Variants in TSGA10 observed in about 807,000 individuals in gnomAD.
The protein encoded by TSGA10 is testis specific 10.
TSGA10 carries 43 observed loss-of-function variants against 96.6 expected under a neutral mutation model. The observed-to-expected ratio is 0.44, with a 90% CI of 0.35 to 0.57. The LOEUF (loss-of-function observed/expected upper bound fraction) is 0.57, where lower values mean the gene tolerates loss of function less well. Among genes scored for constraint, TSGA10 ranks in the 20% least tolerant of loss-of-function variants. TSGA10 has a pLI of 0.01. For synonymous variants in TSGA10, 229 were observed against 269.9 expected, an observed-to-expected ratio of 0.85 and a Z score of 1.48; for missense variants, 703 against 834.4, an observed-to-expected ratio of 0.84 and a Z score of 1.94.
At chr2:99,121,139 G>C (rs576089787) in intron 2 of TSGA10, among the ~76,000 whole-genome samples, 6 of 152,276 alleles carry the variant, frequency 3.9e-5, no homozygotes, top group Admixed American at 3.3e-4. Context: ...TAGGATATAA[G>C]TTTTGAGTAG....
chr2:99,085,621 A>AAAAAAAAAAAAAAAAAAAAAAAAC (rs2088208347), intron 10 of TSGA10, among the ~76,000 whole-genome samples: 1 of 150,184 alleles, frequency 6.7e-6, no homozygotes, highest in African/African-American at 2.5e-5. Context: ...AAAAAAAAAA[A>AAAAAAAAAAAAAAAAAAAAAAAAC]AAAAAAAAAA....
chr2:99,011,428 G>A (rs369082405), intron 20 of TSGA10, among the ~76,000 whole-genome samples: 8 of 152,128 alleles, frequency 5.3e-5, no homozygotes, highest in South Asian at 4.1e-4. Context: ...CACCATGCCC[G>A]GCCAAAGACA....
rs200987366 is a variant in TSGA10, at chr2:99,105,640, T to C, written c.268A>G (p.Lys90Glu). 32 of 1,605,562 alleles carry C rather than the reference T, an allele frequency of 2.0e-5. No homozygotes were observed. The African/African-American group carries it at 4.0e-4, about 20-fold the overall frequency. Residue 90 changes from lysine (K) to glutamate (E), a missense_variant, in exon 8 of 21, where the codon AAA becomes GAA. By Grantham distance (56) the Lys-to-Glu change is moderately conservative. Coordinates refer to ENST00000393483, the MANE Select transcript of TSGA10 (RefSeq NM_025244.4). ...AGAATAGCATGTGCCGTTGTTGATT[T>C]AGGACTCTTACAGCTTTTCATCATT... is the stretch of plus-strand genomic sequence containing the variant. ...REMMKSCKSP[K>E]STTAHAILRR... is the part of the protein sequence containing the mutation.
At chr2:99,064,511 T>C (rs926571142) in intron 16 of TSGA10, among the ~76,000 whole-genome samples, 2 of 152,142 alleles carry the variant, frequency 1.3e-5, no homozygotes, top group African/African-American at 4.8e-5. Context: ...GCAAAGGAGT[T>C]AGACACACTG....
intron 20 of TSGA10, among the ~76,000 whole-genome samples, chr2:99,008,056 C>T (rs1321233095): frequency 6.6e-6 from 1 of 152,128 alleles, no homozygotes; most frequent in Non-Finnish European, 1.5e-5. Flanking sequence ...ATAAAATAAA[C>T]TCCAAATGAA....
intron 10 of TSGA10, among the ~76,000 whole-genome samples, chr2:99,103,224 C>T (rs6712704): frequency 0.59 from 89,867 of 151,940 alleles, 27,510 homozygotes; most frequent in East Asian, 0.88. Context: ...GTGTGTTACA[C>T]AGGTAAACAT....
intron 10 of TSGA10, among the ~76,000 whole-genome samples, chr2:99,082,657 C>T (rs1048314798): frequency 6.6e-6 from 1 of 152,108 alleles, no homozygotes; most frequent in African/African-American, 2.4e-5. Flanking sequence ...GAACTAACCC[C>T]AGACAAAGGC....
At chr2:99,022,281 C>T (rs1450607145) in intron 17 of TSGA10, among the ~76,000 whole-genome samples, 1 of 136,030 alleles carries the variant, frequency 7.4e-6, no homozygotes, top group Non-Finnish European at 1.5e-5. Flanking sequence ...GCCAAGATGG[C>T]ACCACTGCAC....
Position 99,017,390 on chromosome 2 carries a change from G to A in TSGA10, c.2072+810C>T, listed in dbSNP as rs183657864. Reference sequence around the variant, plus strand: ...GGAGTTGGAGACCATTATTCTAAGGGAAGTAACTCAGGAATGGAAAACCAA... The same window carrying A: ...GGAGTTGGAGACCATTATTCTAAGGAAAGTAACTCAGGAATGGAAAACCAA... On this transcript the variant is annotated intron_variant, in intron 20 of 20. Coordinates refer to ENST00000393483, the MANE Select transcript of TSGA10 (RefSeq NM_025244.4). Among the ~76,000 whole-genome samples the A allele has an allele frequency of 3.9e-5, 6 of 152,316 alleles. No homozygotes were observed. The South Asian group carries it at 8.3e-4, about 21-fold the overall frequency.
At chr2:99,046,604 C>T (rs2082800068) in intron 16 of TSGA10, among the ~76,000 whole-genome samples, 1 of 152,026 alleles carries the variant, frequency 6.6e-6, no homozygotes, top group African/African-American at 2.4e-5. Context: ...GCATTAAATG[C>T]CCACAAGAGA....
At chr2:99,065,980 G>C (rs866831342) in intron 15 of TSGA10, among the ~76,000 whole-genome samples, 1 of 152,200 alleles carries the variant, frequency 6.6e-6, no homozygotes, top group African/African-American at 2.4e-5. Flanking sequence ...ATTATGGTTT[G>C]GTGAATTCAT....
intron 1 of TSGA10, among the ~76,000 whole-genome samples, chr2:99,129,326 GCA>G (rs1238252789): frequency 4.6e-5 from 7 of 152,122 alleles, no homozygotes; most frequent in African/African-American, 1.7e-4. Context: ...CCATTAACCT[GCA>G]CAGTTATTTA....
At chr2:99,081,899 GC>G (rs2087566486) in intron 10 of TSGA10, among the ~76,000 whole-genome samples, 1 of 152,220 alleles carries the variant, frequency 6.6e-6, no homozygotes, top group African/African-American at 2.4e-5. Flanking sequence ...CAACTGTAAT[GC>G]CTAACCTTGT....
chr2:99,126,922 A>G, intron 2 of TSGA10, 126 bp downstream of exon 2: 1 of 855,372 alleles, frequency 1.2e-6, no homozygotes, highest in South Asian at 1.9e-5. Flanking sequence ...TAAAAATTGA[A>G]TGATTTTAGA....
At chr2:99,139,952 G>C (rs1193091077) in intron 1 of TSGA10, among the ~76,000 whole-genome samples, 2 of 152,142 alleles carry the variant, frequency 1.3e-5, no homozygotes, top group Admixed American at 6.6e-5. Context: ...TCTGTGTATG[G>C]AGGACTTCAA....
intron 16 of TSGA10, among the ~76,000 whole-genome samples, chr2:99,045,650 T>C (rs1381023784): frequency 6.6e-6 from 1 of 152,182 alleles, no homozygotes; most frequent in South Asian, 2.1e-4. Flanking sequence ...TAAAGACCAT[T>C]GATGCTAGGA....
At chr2:99,085,635 G>A (rs1243357043) in intron 10 of TSGA10, among the ~76,000 whole-genome samples, 313 of 78,942 alleles carry the variant, frequency 4.0e-3, no homozygotes, top group African/African-American at 7.8e-3. Context: ...AAAAAAAAAA[G>A]TTGTTTTTTT....
At position 99,136,569 on chromosome 2, in the gene TSGA10, G is replaced by A. The variant is rs559901866; in HGVS notation, c.-620-9393C>T. ...TCCCAGCACTTTGGGAGGCCGAGGCGGGCGGATCACGAGGTCAGGAGATCG... is the reference window on the plus strand; with the variant it reads ...TCCCAGCACTTTGGGAGGCCGAGGCAGGCGGATCACGAGGTCAGGAGATCG... On this transcript the variant is annotated intron_variant, in intron 1 of 20. Coordinates refer to ENST00000393483, the MANE Select transcript of TSGA10 (RefSeq NM_025244.4). 3.3e-4 allele frequency among the ~76,000 whole-genome samples: 9 copies of A among 27,406 alleles called. 3 individuals are homozygous for A. The highest frequency in any genetic ancestry group is 1.8e-3 in the Admixed American group (4 of 2,224). 18.0% of individuals were successfully genotyped at this position (27,406 alleles called of 152,430 possible).
chr2:99,111,168 T>C (rs1162196391), intron 4 of TSGA10, among the ~76,000 whole-genome samples: 1 of 152,110 alleles, frequency 6.6e-6, no homozygotes, highest in African/African-American at 2.4e-5. Context: ...TACCAAATTA[T>C]TCCCCATAAA....
Sources: gnomAD v4.1 joint callset for allele counts (sites outside exome capture counted in the v4.1 genomes callset) on GRCh38, gnomAD v4.1.1 for gene constraint, MANE v1.5 for transcripts, NCBI Gene and HGNC (gene_info 2026-07-23, HGNC 2026-07-21) for gene names.